Variants in PTPN2 observed in about 807,000 individuals in gnomAD.
PTPN2 encodes tyrosine-protein phosphatase non-receptor type 2.
A neutral mutation model predicts 57.3 loss-of-function variants in PTPN2; 19 were observed. The observed-to-expected ratio is 0.33, with a 90% CI of 0.23 to 0.49. PTPN2 has a LOEUF of 0.49. PTPN2 is among the 20% of genes least tolerant of loss of function. The pLI is 0.99. For missense variants in PTPN2, 358 were observed against 501.1 expected (o/e 0.71, Z 2.73); for synonymous variants, 153 against 164.9 (o/e 0.93, Z 0.55).
intron 5 of PTPN2, among the ~76,000 whole-genome samples, chr18:12,823,597 T>C (rs931614421): frequency 5.9e-5 from 9 of 151,978 alleles, no homozygotes; most frequent in Admixed American, 5.3e-4. Flanking sequence ...ATCACTTGAA[T>C]CCAGGAGGTG....
In PTPN2 at chr18:12,884,087, G is replaced by A. The variant is rs1203075385; in HGVS notation, c.55C>T (p.Gln19Ter). The A allele has an allele frequency of 6.3e-7, 1 of 1,581,660 alleles. No homozygotes were observed. The highest frequency in any genetic ancestry group is 1.4e-5 in the African/African-American group (1 of 73,964). Reference sequence around the variant, plus strand: ...CCGCGACTCACCAAGTACAGCGGCTGCCAGCGACGCTGAGTATCCAACTCT... The same window carrying A: ...CCGCGACTCACCAAGTACAGCGGCTACCAGCGACGCTGAGTATCCAACTCT... ...FEELDTQRRW[Q>*]PLYLEIRNES... is the part of the protein sequence containing the mutation. The change falls in exon 1 of 9, where the codon CAG (glutamine) becomes TAG (stop). Residue 19 changes from glutamine to a stop codon, truncating the protein, a stop_gained. Transcript: ENST00000309660. LOFTEE classifies it high-confidence loss of function.
intron 2 of PTPN2, among the ~76,000 whole-genome samples, chr18:12,855,679 G>T (rs932783696): frequency 6.6e-6 from 1 of 152,112 alleles, no homozygotes; most frequent in Admixed American, 6.6e-5. Flanking sequence ...GAGGGCATGA[G>T]GACAGCAAGG....
downstream of PTPN2, among the ~76,000 whole-genome samples, chr18:12,789,928 G>A (rs927760259): frequency 1.3e-5 from 2 of 151,160 alleles, no homozygotes; most frequent in South Asian, 2.1e-4. Context: ...AGAGAGAGAG[G>A]GAGAGAGAGA....
rs111996548 is a variant in PTPN2, at chr18:12,827,329, C to T, written c.361-1385G>A. ...CTGCACTCCAGCCTGGGCGACAGAG[C>T]GAGACTCCGTCTCAAAAAAAAAAAA... On this transcript the variant is annotated intron_variant, in intron 4 of 8. Transcript: ENST00000309660. Among the ~76,000 whole-genome samples the T allele has an allele frequency of 1.9e-4, 27 of 141,442 alleles. 1 individual carries two copies. The highest frequency in any genetic ancestry group is 7.0e-4 in the African/African-American group (26 of 37,266). 92.8% of individuals were successfully genotyped at this position (141,442 alleles called of 152,430 possible).
chr18:12,867,936 T>C (rs2044047580), intron 1 of PTPN2, among the ~76,000 whole-genome samples: 2 of 152,202 alleles, frequency 1.3e-5, no homozygotes, highest in Non-Finnish European at 2.9e-5. Context: ...TCAATGATCT[T>C]GGGGTGAATT....
At chr18:12,817,790 C>T (rs1230765259) in intron 5 of PTPN2, among the ~76,000 whole-genome samples, 2 of 152,216 alleles carry the variant, frequency 1.3e-5, no homozygotes, top group Admixed American at 6.5e-5. Flanking sequence ...TGTTACCATA[C>T]ATGTTACCAA....
chr18:12,826,591 T>A (rs1016002985), intron 4 of PTPN2, among the ~76,000 whole-genome samples: 1 of 152,122 alleles, frequency 6.6e-6, no homozygotes. Flanking sequence ...TCTTTTGAGC[T>A]GGAGTCTTGC....
At chr18:12,804,306 A>AAAG (rs1555659762) in intron 7 of PTPN2, among the ~76,000 whole-genome samples, 1 of 150,432 alleles carries the variant, frequency 6.6e-6, no homozygotes, top group Non-Finnish European at 1.5e-5. Context: ...AAAAAAAAAA[A>AAAG]AAAGAAAAAG....
At chr18:12,795,801 T>C (rs1043565621) in intron 8 of PTPN2, among the ~76,000 whole-genome samples, 8 of 152,202 alleles carry the variant, frequency 5.3e-5, no homozygotes, top group Non-Finnish European at 8.8e-5. Flanking sequence ...TATAGGTTAC[T>C]ATTTCTTCCA....
intron 2 of PTPN2, among the ~76,000 whole-genome samples, chr18:12,848,130 G>GATT (rs1473250737): frequency 2.0e-5 from 3 of 152,050 alleles, no homozygotes; most frequent in Non-Finnish European, 2.9e-5. Flanking sequence ...TACTTATTCG[G>GATT]ATTATTATTA....
chr18:12,799,553 T>C (rs2041328749), intron 8 of PTPN2, among the ~76,000 whole-genome samples: 1 of 152,090 alleles, frequency 6.6e-6, no homozygotes, highest in Non-Finnish European at 1.5e-5. Context: ...AGAGTAACCT[T>C]TACTTCACAC....
downstream of PTPN2, among the ~76,000 whole-genome samples, chr18:12,791,423 G>A (rs74773905): frequency 3.9e-3 from 592 of 152,126 alleles, 4 homozygotes; most frequent in Middle Eastern, 0.017. Flanking sequence ...ATATTATGAG[G>A]ACCTAAGGAT....
rs1491515014 is a variant in PTPN2, at chr18:12,870,290, CAT to C, written c.70-11038_70-11037del. 6.5e-5 allele frequency among the ~76,000 whole-genome samples: 5 copies of C among 76,644 alleles called. No homozygotes were observed. The South Asian group carries it at 1.0e-3, about 16-fold the overall frequency. 50.3% of individuals were successfully genotyped at this position (76,644 alleles called of 152,430 possible). A position where few individuals can be genotyped will look rare whatever the true frequency, so the allele number is the denominator to read the frequency against. ...ATATATATGTATATATATACATATA[CAT>C]ATATATGTGTATATATACATATATA... On this transcript the variant is annotated intron_variant, in intron 1 of 8. Transcript: ENST00000309660.
chr18:12,801,718 T>C, intron 8 of PTPN2: 1 of 381,250 alleles, frequency 2.6e-6, no homozygotes, highest in South Asian at 2.6e-5. Flanking sequence ...CAGGCTCGCA[T>C]CACCACACCT....
At chr18:12,785,827 G>A (rs1453146365) in exon 10 of PTPN2, 2 of 1,610,580 alleles carry the variant, frequency 1.2e-6, no homozygotes, top group Non-Finnish European at 1.7e-6. Context: ...TGAATATTAG[G>A]TGTCTGTCAA....
intron 1 of PTPN2, among the ~76,000 whole-genome samples, chr18:12,870,511 T>TTTG (rs58881251): frequency 0.14 from 6,117 of 43,164 alleles, 646 homozygotes; most frequent in African/African-American, 0.27. Context: ...AAGCGTGTTG[T>TTTG]TTTTTTTTTT....
intron 1 of PTPN2, among the ~76,000 whole-genome samples, chr18:12,883,222 A>C (rs767658554): frequency 1.2e-4 from 18 of 152,370 alleles, no homozygotes; most frequent in Middle Eastern, 6.8e-3. Context: ...GGGAGCACAC[A>C]TGAAAGCTGC....
intron 1 of PTPN2, among the ~76,000 whole-genome samples, chr18:12,870,448 TATATATATATATATAGAG>T (rs2044210718): frequency 8.2e-5 from 2 of 24,536 alleles, no homozygotes; most frequent in Non-Finnish European, 1.3e-4. Flanking sequence ...TGTGTATATA[TATATATATATATATAGAG>T]AGAGAGAGAG....
At chr18:12,818,991 G>A (rs1598781274) in intron 5 of PTPN2, 1 of 253,974 alleles carries the variant, frequency 3.9e-6, no homozygotes, top group Admixed American at 5.7e-5. Flanking sequence ...CTACTTGGGA[G>A]GCTGAGGTGG....
Sources: gnomAD v4.1 joint callset for allele counts (sites outside exome capture counted in the v4.1 genomes callset) on GRCh38, gnomAD v4.1.1 for gene constraint, MANE v1.5 for transcripts, NCBI Gene and HGNC (gene_info 2026-07-23, HGNC 2026-07-21) for gene names.